MLXIP: variants seen among roughly 807,000 people sequenced by gnomAD.
MLXIP encodes the protein MLX interacting protein.
MLXIP carries 30 observed loss-of-function variants against 87.2 expected under a neutral mutation model. The ratio of observed to expected loss-of-function variants is 0.34; its 90% confidence interval spans 0.26 to 0.47. MLXIP has a LOEUF of 0.47. Ranked by LOEUF, MLXIP falls within the 20% of genes least tolerant of loss-of-function variation. The pLI, the probability that MLXIP is intolerant of heterozygous loss-of-function variation, is 1.00. For missense variants in MLXIP, 1,002 were observed against 1,240.1 expected, an observed-to-expected ratio of 0.81 and a Z score of 2.88; for synonymous variants, 530 against 514.0, an observed-to-expected ratio of 1.03 and a Z score of -0.42.
At chr12:122,091,037 C>A (rs138574168) in intron 1 of MLXIP, among the ~76,000 whole-genome samples, 4 of 151,744 alleles carry the variant, frequency 2.6e-5, no homozygotes, top group Non-Finnish European at 5.9e-5. Flanking sequence ...ATTAGGGTGG[C>A]GATGGTTACA....
intron 5 of MLXIP, 128 bp from the exon 6 acceptor site, chr12:122,129,813 G>A (rs1337758104): frequency 4.5e-6 from 6 of 1,325,570 alleles, no homozygotes; most frequent in Non-Finnish European, 5.2e-6. Flanking sequence ...CTCTCCAAAT[G>A]CCTCCACCCT....
intron 12 of MLXIP, 56 bp from the exon 13 acceptor site, chr12:122,138,138 G>C: frequency 6.8e-7 from 1 of 1,461,556 alleles, no homozygotes; most frequent in South Asian, 1.3e-5. Context: ...GGTGAGGAAG[G>C]GTGGACAGTG....
In MLXIP at chr12:122,138,790, G is replaced by T. The variant is rs765760855; in HGVS notation, c.2385-25G>T. The T allele has an allele frequency of 8.7e-6, 14 of 1,609,904 alleles. No individual in the cohort carries two copies. The East Asian group carries it at 2.9e-4, about 33-fold the overall frequency. ...CTTATTGGCCACTGGCTGCTCCACA[G>T]CTCCCACGGCTCCTGTCATTTCAGC... On this transcript the variant is annotated intron_variant, in intron 14 of 16. Coordinates refer to ENST00000319080, the MANE Select transcript of MLXIP (RefSeq NM_014938.6).
rs1025685261 is a variant in MLXIP at position 122,143,555 on chromosome 12, A to G, written c.*1743A>G. 1 of 152,326 alleles carries G rather than the reference A, an allele frequency of 6.6e-6. No individual in the cohort carries two copies. The highest frequency in any genetic ancestry group is 1.5e-5 in the Non-Finnish European group (1 of 68,108). The allele number at this position is 152,326 out of a possible 1,614,324, so 9.4% of individuals were successfully genotyped here. On this transcript the variant is annotated 3_prime_UTR_variant, in exon 17 of 17. Coordinates refer to ENST00000319080, the MANE Select transcript of MLXIP (RefSeq NM_014938.6). ...GATGAGCATGAAGGCATTGTCCCAAAGGCAGAGGCCACCGTGGTAGGAATT... is the reference window on the plus strand; with the variant it reads ...GATGAGCATGAAGGCATTGTCCCAAGGGCAGAGGCCACCGTGGTAGGAATT...
chr12:122,121,676 CCT>C (rs1593097207), intron 1 of MLXIP, among the ~76,000 whole-genome samples: 1 of 152,226 alleles, frequency 6.6e-6, no homozygotes, highest in Non-Finnish European at 1.5e-5. Context: ...CCCGGCCTGC[CCT>C]CTCTGCCTGC....
At chr12:122,106,665 G>A (rs1166632099) in intron 1 of MLXIP, among the ~76,000 whole-genome samples, 3 of 140,292 alleles carry the variant, frequency 2.1e-5, no homozygotes, top group South Asian at 2.3e-4. Context: ...GCAGTGGCGC[G>A]ATCTCGGCTC....
chr12:122,133,079 CAA>C lies in MLXIP; in HGVS notation c.1093-268_1093-267del, dbSNP rs1953008960. 1.3e-5 allele frequency: 5 copies of C among 398,260 alleles called. No individual in the cohort carries two copies. Among genetic ancestry groups the C allele is most frequent in the Non-Finnish European group, 2.2e-5 (5 of 224,360 alleles). The allele number at this position is 398,260 out of a possible 1,614,324, so 24.7% of individuals were successfully genotyped here. A position where few individuals can be genotyped will look rare whatever the true frequency, so the allele number is the denominator to read the frequency against. On this transcript the variant is annotated intron_variant, in intron 8 of 16. Transcript: ENST00000319080. This position sits in a 1 kb window ranked among gnomAD's most constrained non-coding sequence, Gnocchi z 4.9. ...GGGAGACTCTGCTGGACTCCAGAAA[CAA>C]GATATTCCCAGGCTGCTAGCCAGCT...
intron 1 of MLXIP, among the ~76,000 whole-genome samples, chr12:122,103,092 C>T (rs774561818): frequency 8.5e-5 from 13 of 152,210 alleles, no homozygotes; most frequent in Non-Finnish European, 1.5e-4. Context: ...CAGCCTCGAC[C>T]TCCCAGGCTC....
At chr12:122,126,045 C>G (rs1168269152) in intron 1 of MLXIP, among the ~76,000 whole-genome samples, 2 of 152,178 alleles carry the variant, frequency 1.3e-5, no homozygotes, top group African/African-American at 4.8e-5. Flanking sequence ...GTGGTCAGAT[C>G]AAACCTCCAC....
At chr12:122,091,732 A>G (rs1364900984) in intron 1 of MLXIP, among the ~76,000 whole-genome samples, 1 of 152,176 alleles carries the variant, frequency 6.6e-6, no homozygotes, top group East Asian at 1.9e-4. Flanking sequence ...GTAAGCATCA[A>G]CTGCAGTTGA....
chr12:122,099,270 C>G (rs1640101844), intron 1 of MLXIP, among the ~76,000 whole-genome samples: 1 of 152,046 alleles, frequency 6.6e-6, no homozygotes, highest in South Asian at 2.1e-4. Context: ...CAAAACAAAA[C>G]CCCAAAACAA....
At chr12:122,080,633 C>G (rs1412956273) in intron 1 of MLXIP, among the ~76,000 whole-genome samples, 4 of 152,196 alleles carry the variant, frequency 2.6e-5, no homozygotes, top group Non-Finnish European at 5.9e-5. Flanking sequence ...TCCCATCCCC[C>G]TTACCCGGCA....
intron 1 of MLXIP, among the ~76,000 whole-genome samples, chr12:122,111,752 T>C (rs1175807683): frequency 6.6e-6 from 1 of 152,212 alleles, no homozygotes; most frequent in Non-Finnish European, 1.5e-5. Context: ...TAGAAAAATA[T>C]GATCAGAAAT....
chr12:122,142,163 G>A lies in MLXIP; in HGVS notation c.*351G>A. The A allele has an allele frequency of 1.4e-6, 1 of 701,490 alleles. No individual in the cohort carries two copies. Among genetic ancestry groups the A allele is most frequent in the Admixed American group, 2.0e-5 (1 of 50,010 alleles). 43.5% of individuals were successfully genotyped at this position (701,490 alleles called of 1,614,324 possible). On this transcript the variant is annotated 3_prime_UTR_variant, in exon 17 of 17. Transcript: ENST00000319080. ...CTGGCGCCGGTGAGCGGAATCGATG[G>A]GATGAGGGTGACAGGGCCTGCTCCT... is the stretch of plus-strand genomic sequence containing the variant.
At chr12:122,129,076 A>T in intron 3 of MLXIP, 61 bp from the exon 4 acceptor site, 1 of 1,367,168 alleles carries the variant, frequency 7.3e-7, no homozygotes, top group Non-Finnish European at 1.0e-6. Flanking sequence ...TCAGTACACC[A>T]GTTGAGCTTT....
intron 1 of MLXIP, among the ~76,000 whole-genome samples, chr12:122,094,247 TG>T (rs1312269157): frequency 0.49 from 66,170 of 136,352 alleles, 16,238 homozygotes; most frequent in Admixed American, 0.56. Flanking sequence ...GGTGTGGTAT[TG>T]GTGTGTGTGT....
At position 122,106,952 on chromosome 12, in the gene MLXIP, G is replaced by C. The variant is rs148228609; in HGVS notation, c.414-20304G>C. Among the ~76,000 whole-genome samples the C allele has an allele frequency of 4.4e-3, 664 of 152,282 alleles. 19 individuals are homozygous for C. The highest frequency in any genetic ancestry group is 0.041 in the Admixed American group (620 of 15,304). Reference sequence around the variant, plus strand: ...TCATGGAGCTGAAAGAGAGGTAGCAGCATCAGCTGCACCAGCTGCACTAGC... The same window carrying C: ...TCATGGAGCTGAAAGAGAGGTAGCACCATCAGCTGCACCAGCTGCACTAGC... On this transcript the variant is annotated intron_variant, in intron 1 of 16. Coordinates refer to ENST00000319080, the MANE Select transcript of MLXIP (RefSeq NM_014938.6).
Position 122,109,518 on chromosome 12 carries a change from T to G in MLXIP, c.414-17738T>G, listed in dbSNP as rs569059029. 2.0e-5 allele frequency among the ~76,000 whole-genome samples: 3 copies of G among 152,354 alleles called. No homozygotes were observed. In the South Asian group the frequency reaches 6.2e-4, roughly 32 times the overall value. Reference sequence around the variant, plus strand: ...GCTTTTCACAGACAGGAAAGAAATGTAGATATATGGAATGCTGACAAAGAT... The same window carrying G: ...GCTTTTCACAGACAGGAAAGAAATGGAGATATATGGAATGCTGACAAAGAT... On this transcript the variant is annotated intron_variant, in intron 1 of 16. Coordinates refer to ENST00000319080, the MANE Select transcript of MLXIP (RefSeq NM_014938.6).
rs527711217 is a variant in MLXIP at position 122,142,039 on chromosome 12, C to T, written c.*227C>T. The stretch of plus-strand genomic sequence containing the variant: ...ACCCCTTGCTGTGAACTCTCTCACT[C>T]AGTGACCTCAGTCACCAACCTCCTC... On this transcript the variant is annotated 3_prime_UTR_variant, in exon 17 of 17. Transcript: ENST00000319080. The T allele has an allele frequency of 5.2e-5, 35 of 679,372 alleles. No homozygotes were observed. The highest frequency in any genetic ancestry group is 4.4e-4 in the African/African-American group (25 of 56,674). The allele number at this position is 679,372 out of a possible 1,614,324, so 42.1% of individuals were successfully genotyped here.
Sources: allele counts gnomAD v4.1 joint callset (sites outside exome capture counted in the v4.1 genomes callset), GRCh38; gene constraint gnomAD v4.1.1; non-coding constraint Gnocchi (gnomAD v3.1); transcripts MANE v1.5; gene names NCBI Gene and HGNC (gene_info 2026-07-23, HGNC 2026-07-21).